GRID2: variants seen among roughly 807,000 people sequenced by gnomAD.
GRID2 encodes the protein glutamate ionotropic receptor delta type subunit 2.
In GRID2, 33 loss-of-function variants were observed where a neutral mutation model predicts 114.8. The observed-to-expected ratio is 0.29, with a 90% CI of 0.22 to 0.38. The LOEUF (loss-of-function observed/expected upper bound fraction) is 0.38. Ranked by LOEUF, GRID2 falls within the 10% of genes least tolerant of loss-of-function variation. The pLI, the probability that GRID2 is intolerant of heterozygous loss-of-function variation, is 1.00. For synonymous variants in GRID2, 505 were observed against 449.9 expected (o/e 1.12, Z -1.55); for missense variants, 1,184 against 1,257.7 (o/e 0.94, Z 0.89).
chr4:93,656,312 G>A (rs7663840), intron 14 of GRID2, among the ~76,000 whole-genome samples: 51,262 of 151,746 alleles, frequency 0.34, 8,929 homozygotes, highest in Middle Eastern at 0.5. Context: ...AACCTTAATT[G>A]TATTCCACAG....
intron 14 of GRID2, among the ~76,000 whole-genome samples, chr4:93,645,584 A>G (rs1302589668): frequency 1.3e-5 from 2 of 152,184 alleles, no homozygotes; most frequent in Non-Finnish European, 2.9e-5. Flanking sequence ...TTCCATGGTC[A>G]CAAACCTAAT....
intron 1 of GRID2, among the ~76,000 whole-genome samples, chr4:92,571,335 A>C (rs932743207): frequency 6.6e-6 from 1 of 152,168 alleles, no homozygotes; most frequent in Admixed American, 6.6e-5. Context: ...AGAGCTAACT[A>C]TCCTAAATAT....
chr4:92,990,289 A>ATG, intron 2 of GRID2, among the ~76,000 whole-genome samples: 1 of 45,998 alleles, frequency 2.2e-5, no homozygotes, highest in Non-Finnish European at 4.3e-5. Flanking sequence ...ATGTGTGTGT[A>ATG]TATATATATA....
At chr4:93,354,665 C>T (rs1345941295) in intron 8 of GRID2, among the ~76,000 whole-genome samples, 1 of 121,002 alleles carries the variant, frequency 8.3e-6, no homozygotes, top group African/African-American at 3.3e-5. Context: ...CCTGGGGTGG[C>T]TCATCCGTGT....
intron 1 of GRID2, among the ~76,000 whole-genome samples, chr4:92,452,865 A>AT (rs200744464): frequency 5.4e-5 from 8 of 147,514 alleles, no homozygotes; most frequent in African/African-American, 9.9e-5. Context: ...TACCATATAT[A>AT]TTTTTTTACC....
chr4:93,584,124 T>C (rs776280479), intron 13 of GRID2, among the ~76,000 whole-genome samples: 16 of 152,102 alleles, frequency 1.1e-4, no homozygotes, highest in Non-Finnish European at 1.8e-4. Flanking sequence ...GTAAAATATA[T>C]CTAGAAGTTC....
intron 2 of GRID2, among the ~76,000 whole-genome samples, chr4:92,738,722 G>T (rs1339057755): frequency 6.6e-6 from 1 of 151,964 alleles, no homozygotes; most frequent in African/African-American, 2.4e-5. Flanking sequence ...CATGATCATA[G>T]CTCACTGCAG....
At chr4:93,084,913 C>T (rs1730195266) in intron 2 of GRID2, 82 bp from the exon 3 acceptor site, 3 of 1,008,398 alleles carry the variant, frequency 3.0e-6, no homozygotes, top group African/African-American at 3.2e-5. Context: ...AATCTGTAAG[C>T]TTTATCCATC....
chr4:93,448,805 C>CTT, intron 10 of GRID2, among the ~76,000 whole-genome samples: 1 of 10,214 alleles, frequency 9.8e-5, no homozygotes, highest in Non-Finnish European at 2.2e-4. Context: ...CCTTCCCTTC[C>CTT]CTTCCCTTCC....
chr4:92,374,278 A>G (rs1452283095), intron 1 of GRID2, among the ~76,000 whole-genome samples: 1 of 152,302 alleles, frequency 6.6e-6, no homozygotes, highest in African/African-American at 2.4e-5. Flanking sequence ...TTGGGTCTCC[A>G]TAATCCTTTA....
At chr4:93,265,301 C>A (rs1393216097) in intron 8 of GRID2, among the ~76,000 whole-genome samples, 1 of 152,112 alleles carries the variant, frequency 6.6e-6, no homozygotes, top group Non-Finnish European at 1.5e-5. Context: ...GAGGCAGGTG[C>A]TGTCTTTTAC....
Position 92,991,466 on chromosome 4 carries a change from G to C in GRID2, c.245-93529G>C, listed in dbSNP as rs575950950. Among the ~76,000 whole-genome samples the C allele has an allele frequency of 4.6e-5, 7 of 152,298 alleles. No homozygotes were observed. In the East Asian group the frequency reaches 1.4e-3, roughly 29 times the overall value. On this transcript the variant is annotated intron_variant, in intron 2 of 15. Coordinates refer to ENST00000282020, the MANE Select transcript of GRID2 (RefSeq NM_001510.4). ...ATTATCTGACGAAGTCCACACCATA[G>C]AAATTAATAAACCATCTCCGTGCAA...
chr4:93,777,929 G>C (rs970557026), downstream of GRID2, among the ~76,000 whole-genome samples: 4 of 152,120 alleles, frequency 2.6e-5, no homozygotes, highest in Middle Eastern at 3.2e-3. Context: ...TTAAGTGGCT[G>C]TTTTTAATTT....
At chr4:92,746,456 A>T (rs770071437) in intron 2 of GRID2, among the ~76,000 whole-genome samples, 32 of 152,124 alleles carry the variant, frequency 2.1e-4, no homozygotes, top group Non-Finnish European at 3.8e-4. Flanking sequence ...AGAGATGTTT[A>T]GTGGCTATTG....
chr4:93,187,792 G>T (rs1447957288), intron 4 of GRID2, among the ~76,000 whole-genome samples: 1 of 152,100 alleles, frequency 6.6e-6, no homozygotes, highest in African/African-American at 2.4e-5. Context: ...ATTCCAAAAA[G>T]AAGAAATAGA....
intron 2 of GRID2, among the ~76,000 whole-genome samples, chr4:92,719,046 G>A (rs776620552): frequency 6.6e-6 from 1 of 151,642 alleles, no homozygotes; most frequent in East Asian, 1.9e-4. Context: ...CAGTACAGAG[G>A]CACAATCTCA....
At chr4:93,335,278 G>C (rs1036786632) in intron 8 of GRID2, among the ~76,000 whole-genome samples, 2 of 152,238 alleles carry the variant, frequency 1.3e-5, no homozygotes, top group Non-Finnish European at 2.9e-5. Context: ...CTAATAACAG[G>C]AAGATGGACT....
At chr4:93,666,525 G>C (rs896674869) in intron 14 of GRID2, among the ~76,000 whole-genome samples, 5 of 152,076 alleles carry the variant, frequency 3.3e-5, no homozygotes, top group Admixed American at 6.6e-5. Flanking sequence ...ACCTGGAACA[G>C]TGCCTTCCTG....
At chr4:92,494,513 A>G (rs931800868) in intron 1 of GRID2, among the ~76,000 whole-genome samples, 2 of 152,052 alleles carry the variant, frequency 1.3e-5, no homozygotes, top group Non-Finnish European at 2.9e-5. Context: ...TATTAATTAC[A>G]AAAAACTTCT....
Sources: allele counts gnomAD v4.1 joint callset (sites outside exome capture counted in the v4.1 genomes callset), GRCh38; gene constraint gnomAD v4.1.1; transcripts MANE v1.5; gene names NCBI Gene and HGNC (gene_info 2026-07-23, HGNC 2026-07-21).